SPMIP6: variants seen among roughly 807,000 people sequenced by gnomAD.
The protein encoded by SPMIP6 is ciliated bronchial epithelial protein 1.
the SPMIP6 span, among the ~76,000 whole-genome samples, chr9:34,384,273 T>G: frequency 2.0e-5 from 3 of 152,182 alleles, no homozygotes; most frequent in Admixed American, 2.0e-4. Context: ...TGTCAGTAAT[T>G]AAAGGCTTGT....
chr9:34,387,478 G>A, the SPMIP6 span, among the ~76,000 whole-genome samples: 1 of 152,060 alleles, frequency 6.6e-6, no homozygotes, highest in Non-Finnish European at 1.5e-5. Context: ...GTGGGTGCAT[G>A]GGTCCCGTGA....
chr9:34,380,667 A>C, the SPMIP6 span: 1 of 1,542,016 alleles, frequency 6.5e-7, no homozygotes, highest in Non-Finnish European at 8.8e-7. Flanking sequence ...TTTGAGAGGG[A>C]CAGGGGTCGG....
the SPMIP6 span, among the ~76,000 whole-genome samples, chr9:34,387,769 G>A: frequency 6.6e-6 from 1 of 152,206 alleles, no homozygotes; most frequent in Non-Finnish European, 1.5e-5. Context: ...TGAGCTGTGT[G>A]TAGGCTTTGT....
the SPMIP6 span, chr9:34,379,575 T>G: frequency 7.3e-7 from 1 of 1,364,582 alleles, no homozygotes; most frequent in South Asian, 1.2e-5. This position sits in a 1 kb window ranked among gnomAD's most constrained non-coding sequence, Gnocchi z 4.2. Context: ...CTACCAGACA[T>G]CCTCCCCCAG....
chr9:34,384,032 A>G, the SPMIP6 span, among the ~76,000 whole-genome samples: 1 of 152,166 alleles, frequency 6.6e-6, no homozygotes, highest in Non-Finnish European at 1.5e-5. Flanking sequence ...AAGGCCCTCC[A>G]TGATCCAACA....
the SPMIP6 span, chr9:34,379,033 G>A: frequency 8.3e-7 from 1 of 1,210,124 alleles, no homozygotes; most frequent in Admixed American, 1.7e-5. The surrounding 1 kb of genome is among the most constrained non-coding windows in gnomAD (Gnocchi z 4.2). Context: ...GGGTTGAAGA[G>A]TTTATTTATT....
chr9:34,382,632 C>A, the SPMIP6 span: 1 of 735,578 alleles, frequency 1.4e-6, no homozygotes, highest in South Asian at 1.5e-5. Flanking sequence ...CGGAAGAGCT[C>A]TGGGGCATTT....
the SPMIP6 span, among the ~76,000 whole-genome samples, chr9:34,385,253 T>TG: frequency 1.3e-5 from 2 of 151,828 alleles, no homozygotes; most frequent in Non-Finnish European, 2.9e-5. Context: ...GGATGGAGGC[T>TG]GGGCATGGTG....
chr9:34,393,099 G>A, the SPMIP6 span, among the ~76,000 whole-genome samples: 2 of 152,204 alleles, frequency 1.3e-5, no homozygotes, highest in Non-Finnish European at 2.9e-5. Flanking sequence ...TTAGGAAAGG[G>A]AATTCTTGCA....
the SPMIP6 span, chr9:34,380,681 CTT>C: frequency 2.3e-5 from 36 of 1,545,900 alleles, no homozygotes; most frequent in Non-Finnish European, 3.1e-5. Flanking sequence ...GGGTCGGGGA[CTT>C]GGAGTAACCT....
chr9:34,382,235 T>C, the SPMIP6 span, among the ~76,000 whole-genome samples: 34 of 152,244 alleles, frequency 2.2e-4, no homozygotes, highest in African/African-American at 5.8e-4. Flanking sequence ...TCCCCAGAGA[T>C]TGAGAGCCAG....
At chr9:34,384,088 G>A in the SPMIP6 span, among the ~76,000 whole-genome samples, 2 of 152,344 alleles carry the variant, frequency 1.3e-5, no homozygotes, top group South Asian at 2.1e-4. Context: ...AAGCCCTAGC[G>A]AAGAGCAGCT....
chr9:34,380,086 C>A, the SPMIP6 span, among the ~76,000 whole-genome samples: 2 of 152,202 alleles, frequency 1.3e-5, no homozygotes, highest in African/African-American at 4.8e-5. Flanking sequence ...GAGGCTCAGA[C>A]ACTTTCCCAC....
chr9:34,387,474 G>A, the SPMIP6 span, among the ~76,000 whole-genome samples: 1 of 152,104 alleles, frequency 6.6e-6, no homozygotes, highest in South Asian at 2.1e-4. Context: ...AGATGTGGGT[G>A]CATGGGTCCC....
At chr9:34,397,533 A>G in the SPMIP6 span, 1 of 1,614,116 alleles carries the variant, frequency 6.2e-7, no homozygotes, top group Non-Finnish European at 8.5e-7. Context: ...CCAGGCACAC[A>G]GGGGTGGGTC....
the SPMIP6 span, among the ~76,000 whole-genome samples, chr9:34,390,744 G>A: frequency 1.1e-3 from 160 of 151,690 alleles, no homozygotes; most frequent in African/African-American, 3.1e-3. Flanking sequence ...TTCAGCCTCC[G>A]CAGCAGCTGG....
At chr9:34,388,932 C>CTTTTTTTT in the SPMIP6 span, among the ~76,000 whole-genome samples, 24 of 109,816 alleles carry the variant, frequency 2.2e-4, 1 homozygote, top group Admixed American at 4.1e-4. Flanking sequence ...CTCTCTCTTT[C>CTTTTTTTT]TTTTTTTTTT....
the SPMIP6 span, among the ~76,000 whole-genome samples, chr9:34,388,236 G>A: frequency 6.6e-6 from 1 of 151,146 alleles, no homozygotes; most frequent in African/African-American, 2.4e-5. Flanking sequence ...TGCCTCCCGG[G>A]TTCAAGTGAT....
chr9:34,394,045 C>T, the SPMIP6 span, among the ~76,000 whole-genome samples: 27 of 152,316 alleles, frequency 1.8e-4, no homozygotes, highest in Non-Finnish European at 3.2e-4. Context: ...TAGTCTTGAA[C>T]TCTTGGCCTC....
Sources: gnomAD v4.1 joint callset for allele counts (sites outside exome capture counted in the v4.1 genomes callset) on GRCh38, gnomAD v4.1.1 for gene constraint, Gnocchi (gnomAD v3.1) non-coding constraint, MANE v1.5 for transcripts, NCBI Gene and HGNC (gene_info 2026-07-23, HGNC 2026-07-21) for gene names.